Variants in CARD8 observed in about 807,000 individuals in gnomAD.
The protein encoded by CARD8 is caspase recruitment domain family member 8.
A neutral mutation model predicts 53.2 loss-of-function variants in CARD8; 38 were observed. That is an observed-to-expected ratio of 0.71 (90% CI 0.55 to 0.94). CARD8 has a LOEUF of 0.94. Ranked by LOEUF, CARD8 falls within the 40% of genes least tolerant of loss-of-function variation. The pLI, the probability that CARD8 is intolerant of heterozygous loss-of-function variation, is 0.00. For missense variants in CARD8, 561 were observed against 655.5 expected, an observed-to-expected ratio of 0.86 and a Z score of 1.57; for synonymous variants, 245 against 244.9, an observed-to-expected ratio of 1.00 and a Z score of 0.00.
intron 8 of CARD8, 97 bp from the exon 9 acceptor site, chr19:48,231,103 G>A (rs1226264588): frequency 1.1e-6 from 1 of 950,334 alleles, no homozygotes. Flanking sequence ...GTGAGGCAAG[G>A]TTCAGGACCC....
Position 48,211,571 on chromosome 19 carries a change from TCTGTCCTGAAAGC to T in CARD8, c.*126_*138del. 1 of 777,240 alleles carries T rather than the reference TCTGTCCTGAAAGC, an allele frequency of 1.3e-6. No homozygotes were observed. Among genetic ancestry groups the T allele is most frequent in the Non-Finnish European group, 2.1e-6 (1 of 481,504 alleles). The allele number at this position is 777,240 out of a possible 1,614,324, so 48.1% of individuals were successfully genotyped here. On this transcript the variant is annotated 3_prime_UTR_variant, in exon 14 of 14. Coordinates refer to ENST00000651546, the MANE Select transcript of CARD8 (RefSeq NM_001184900.3). ...CAATAGGTACATGCCAGGTTACAAG[TCTGTCCTGAAAGC>T]CTGTGTGATAGATGTTACCCAGTCT... is the stretch of plus-strand genomic sequence containing the variant.
chr19:48,206,906 T>C (rs772737624), downstream of CARD8, among the ~76,000 whole-genome samples: 3 of 152,036 alleles, frequency 2.0e-5, no homozygotes, highest in Non-Finnish European at 4.4e-5. Context: ...GGGTGACAAG[T>C]GTGGAGGCTT....
At chr19:48,217,063 T>C (rs908665443) in intron 12 of CARD8, among the ~76,000 whole-genome samples, 4 of 151,806 alleles carry the variant, frequency 2.6e-5, no homozygotes, top group Non-Finnish European at 4.4e-5. Context: ...CCTGCACAGT[T>C]CACAATAGGG....
intron 13 of CARD8, among the ~76,000 whole-genome samples, chr19:48,213,350 G>A (rs1356187295): frequency 6.6e-6 from 1 of 151,764 alleles, no homozygotes; most frequent in Non-Finnish European, 1.5e-5. Context: ...TCCTCTCAGT[G>A]TTAACTCTAT....
downstream of CARD8, chr19:48,206,636 TCTTTTAG>T: frequency 2.5e-6 from 1 of 392,928 alleles, no homozygotes; most frequent in East Asian, 7.2e-5. Flanking sequence ...GTTACCAAAT[TCTTTTAG>T]CTTAATGAAA....
intron 4 of CARD8, among the ~76,000 whole-genome samples, chr19:48,240,320 G>A (rs6509366): frequency 0.3 from 46,024 of 152,030 alleles, 7,321 homozygotes; most frequent in East Asian, 0.49. Flanking sequence ...TGTCAAGAGC[G>A]TGGTCAAGGC....
At chr19:48,239,808 A>G (rs1185606900) in intron 4 of CARD8, among the ~76,000 whole-genome samples, 1 of 152,006 alleles carries the variant, frequency 6.6e-6, no homozygotes, top group Non-Finnish European at 1.5e-5. Context: ...ATGGACTGAG[A>G]AGCTTGTGAA....
At position 48,247,410 on chromosome 19, in the gene CARD8, C is replaced by T. The variant is rs1417013754; in HGVS notation, c.-44+2113G>A. ...GGGAATGAATAAAGACATCATGATA[C>T]ATCCGATGATGAAATAATATGCAAT... On this transcript the variant is annotated intron_variant, in intron 3 of 13. Transcript: ENST00000651546. 3.9e-5 allele frequency among the ~76,000 whole-genome samples: 6 copies of T among 152,144 alleles called. No individual in the cohort carries two copies. In the South Asian group the frequency reaches 1.2e-3, roughly 31 times the overall value.
At chr19:48,238,056 G>A (rs7508477) in intron 5 of CARD8, among the ~76,000 whole-genome samples, 106,082 of 151,220 alleles carry the variant, frequency 0.7, 37,383 homozygotes, top group African/African-American at 0.78. Context: ...ATGCCCAGCT[G>A]ATTTTTGTAT....
rs2146541832 is a variant in CARD8, at chr19:48,238,436, T to C, written c.156A>G (p.Gln52=). 2.0e-6 allele frequency: 3 copies of C among 1,536,226 alleles called. No individual in the cohort carries two copies. The highest frequency in any genetic ancestry group is 2.4e-5 in the South Asian group (2 of 84,066). The change falls in exon 5 of 14, where the codon CAA becomes CAG. Residue 52 remains glutamine (Q), a synonymous_variant. Transcript: ENST00000651546. ...LLVDNSIREL[Q]YTKTGIFFQA... Reference sequence around the variant, plus strand: ...GAAAAAAAATTCCAGTTTTTGTGTATTGCAGTTCCCGTATGCTATTGTCAA... The same window carrying C: ...GAAAAAAAATTCCAGTTTTTGTGTACTGCAGTTCCCGTATGCTATTGTCAA...
chr19:48,227,749 G>A (rs113878290), intron 10 of CARD8, among the ~76,000 whole-genome samples: 8,396 of 149,908 alleles, frequency 0.056, 583 homozygotes, highest in African/African-American at 0.17. Flanking sequence ...GTTGCAGTGG[G>A]CCGAGATCAC....
chr19:48,255,876 T>C lies in CARD8; in HGVS notation c.-336A>G, dbSNP rs1169679166. The C allele has an allele frequency of 6.6e-6, 1 of 152,228 alleles. No homozygotes were observed. Among genetic ancestry groups the C allele is most frequent in the Non-Finnish European group, 1.5e-5 (1 of 68,044 alleles). The allele number at this position is 152,228 out of a possible 1,614,324, so 9.4% of individuals were successfully genotyped here. ...GAGAATCCCCTTAGGTCGGTTTCTC[T>C]GGTTCTCAACTTCTTTTGAAATAAC... On this transcript the variant is annotated 5_prime_UTR_variant, in exon 1 of 14. Coordinates refer to ENST00000651546, the MANE Select transcript of CARD8 (RefSeq NM_001184900.3).
intron 6 of CARD8, 103 bp downstream of exon 6, chr19:48,234,300 C>A: frequency 1.7e-6 from 2 of 1,196,734 alleles, no homozygotes; most frequent in Non-Finnish European, 2.4e-6. Flanking sequence ...TTCATTCTCC[C>A]CTGAGTTCGA....
rs1400769952 is a variant in CARD8 at position 48,210,783 on chromosome 19, C to T, written c.*927G>A. The T allele has an allele frequency of 6.6e-6, 1 of 152,256 alleles. No homozygotes were observed. The highest frequency in any genetic ancestry group is 1.5e-5 in the Non-Finnish European group (1 of 68,028). 9.4% of individuals were successfully genotyped at this position (152,256 alleles called of 1,614,324 possible). A position where few individuals can be genotyped will look rare whatever the true frequency, so the allele number is the denominator to read the frequency against. Reference sequence around the variant, plus strand: ...ACACCATAAAAAAAACTGACTCAACCAGATGGTGTCTACTAGGAACTTGTT... The same window carrying T: ...ACACCATAAAAAAAACTGACTCAACTAGATGGTGTCTACTAGGAACTTGTT... On this transcript the variant is annotated 3_prime_UTR_variant, in exon 14 of 14. Transcript: ENST00000651546.
chr19:48,249,059 TG>T (rs1368258680), intron 3 of CARD8, among the ~76,000 whole-genome samples: 1 of 152,002 alleles, frequency 6.6e-6, no homozygotes, highest in African/African-American at 2.4e-5. Flanking sequence ...TAGTCGTGCG[TG>T]GTGGCGGGCG....
chr19:48,244,555 G>A (rs915162396), intron 3 of CARD8, among the ~76,000 whole-genome samples: 2 of 152,180 alleles, frequency 1.3e-5, no homozygotes, highest in Admixed American at 1.3e-4. Context: ...GTGAGGTCTG[G>A]GCAGGTAGAG....
rs2040686716 is a variant in CARD8, at chr19:48,221,803, G to A, written c.1088C>T (p.Pro363Leu). 1 of 1,610,160 alleles carries A rather than the reference G, an allele frequency of 6.2e-7. No individual in the cohort carries two copies. The highest frequency in any genetic ancestry group is 8.5e-7 in the Non-Finnish European group (1 of 1,177,160). ...ACCAAAGTTCAGGGGTTCCATTGGG[G>A]GCGAAGTCTGCAGGCGCACACCATG... ...RFHGVRLQTS[P>L]PMEPLNFGSS... Residue 363 changes from proline (P) to leucine (L), a missense_variant, in exon 11 of 14, where the codon CCC becomes CTC. By Grantham distance (98) the Pro-to-Leu change is moderately conservative (BLOSUM62 -3). Transcript: ENST00000651546.
intron 3 of CARD8, among the ~76,000 whole-genome samples, chr19:48,247,222 G>A (rs1171318992): frequency 6.6e-6 from 1 of 152,122 alleles, no homozygotes; most frequent in Non-Finnish European, 1.5e-5. Flanking sequence ...TACTCGGGAG[G>A]GTGAGGCAGG....
Position 48,211,059 on chromosome 19 carries a change from G to A in CARD8, c.*651C>T, listed in dbSNP as rs2037883236. On this transcript the variant is annotated 3_prime_UTR_variant, in exon 14 of 14. Transcript: ENST00000651546. Reference sequence around the variant, plus strand: ...CTCAGTATTCCTTGGAGTTGACCATGAACATTTAACCCAACAACTCCTTGT... The same window carrying A: ...CTCAGTATTCCTTGGAGTTGACCATAAACATTTAACCCAACAACTCCTTGT... 6.6e-6 allele frequency: 1 copy of A among 152,328 alleles called. No homozygotes were observed. Among genetic ancestry groups the A allele is most frequent in the Admixed American group, 6.5e-5 (1 of 15,282 alleles). 9.4% of individuals were successfully genotyped at this position (152,328 alleles called of 1,614,324 possible). A position where few individuals can be genotyped will look rare whatever the true frequency, so the allele number is the denominator to read the frequency against.
Sources: gnomAD v4.1 joint callset for allele counts (sites outside exome capture counted in the v4.1 genomes callset) on GRCh38, gnomAD v4.1.1 for gene constraint, MANE v1.5 for transcripts, NCBI Gene and HGNC (gene_info 2026-07-23, HGNC 2026-07-21) for gene names.